ATP8B4: variants seen among roughly 807,000 people sequenced by gnomAD.
The protein encoded by ATP8B4 is probable phospholipid-transporting ATPase IM.
In ATP8B4, 133 loss-of-function variants were observed where a neutral mutation model predicts 145.6. The observed-to-expected ratio is 0.91, with a 90% confidence interval of 0.79 to 1.05. The LOEUF (loss-of-function observed/expected upper bound fraction) is 1.05, where lower values mean the gene tolerates loss of function less well. Ranked by LOEUF, ATP8B4 falls within the 50% of genes least tolerant of loss-of-function variation. The pLI, the probability that ATP8B4 is intolerant of heterozygous loss-of-function variation, is 0.00. For missense variants in ATP8B4, 1,458 were observed against 1,425.2 expected (o/e 1.02, Z -0.37); for synonymous variants, 507 against 492.9 (o/e 1.03, Z -0.38).
chr15:49,888,314 C>T lies in ATP8B4; in HGVS notation c.2698-8855G>A, dbSNP rs1418014061. Among the ~76,000 whole-genome samples the T allele has an allele frequency of 3.9e-5, 6 of 152,104 alleles. No individual in the cohort carries two copies. The East Asian group carries it at 7.7e-4, about 20-fold the overall frequency. On this transcript the variant is annotated intron_variant, in intron 23 of 27. Transcript: ENST00000284509. ...AAGTCATCAAAGCCTTAAGATTAGTCGCAGTCTTTCACGTCACTTTCCAAA... is the reference window on the plus strand; with the variant it reads ...AAGTCATCAAAGCCTTAAGATTAGTTGCAGTCTTTCACGTCACTTTCCAAA...
At chr15:50,101,230 G>A (rs1352461488) in intron 2 of ATP8B4, among the ~76,000 whole-genome samples, 1 of 152,052 alleles carries the variant, frequency 6.6e-6, no homozygotes, top group Non-Finnish European at 1.5e-5. Context: ...ACATTTCTCA[G>A]GTATGGTGAT....
intron 2 of ATP8B4, among the ~76,000 whole-genome samples, chr15:50,088,298 G>T (rs1487197188): frequency 5.9e-5 from 9 of 151,810 alleles, no homozygotes; most frequent in Admixed American, 5.9e-4. Context: ...TTGAACCCGG[G>T]AGGCGTCTCT....
intron 25 of ATP8B4, among the ~76,000 whole-genome samples, chr15:49,869,154 C>T (rs912635245): frequency 1.7e-4 from 26 of 152,012 alleles, no homozygotes; most frequent in African/African-American, 2.9e-4. Context: ...TCAGGTAATC[C>T]GCCCGCCTCG....
intron 1 of ATP8B4, among the ~76,000 whole-genome samples, chr15:50,174,271 A>G (rs911631564): frequency 6.6e-6 from 1 of 152,192 alleles, no homozygotes; most frequent in Admixed American, 6.6e-5. Flanking sequence ...CCTCTTCAGC[A>G]TAGTACTGGA....
intron 1 of ATP8B4, among the ~76,000 whole-genome samples, chr15:50,176,532 T>A (rs1409672620): frequency 6.6e-6 from 1 of 151,998 alleles, no homozygotes; most frequent in African/African-American, 2.4e-5. Flanking sequence ...AAATATTTTT[T>A]AAATTAAATT....
intron 1 of ATP8B4, among the ~76,000 whole-genome samples, chr15:50,159,239 A>G (rs942244908): frequency 6.6e-6 from 1 of 151,958 alleles, no homozygotes; most frequent in East Asian, 1.9e-4. Context: ...ATTCTTAGGT[A>G]TTTTATTTTA....
intron 2 of ATP8B4, among the ~76,000 whole-genome samples, chr15:50,087,125 AT>A (rs1428330488): frequency 8.0e-6 from 1 of 125,786 alleles, no homozygotes; most frequent in Non-Finnish European, 1.6e-5. Context: ...ATTATATATA[AT>A]ATATAGATCT....
intron 2 of ATP8B4, among the ~76,000 whole-genome samples, chr15:50,100,340 G>T (rs2056275799): frequency 6.6e-6 from 1 of 152,164 alleles, no homozygotes; most frequent in Non-Finnish European, 1.5e-5. Context: ...CTCTGGCAAA[G>T]ATACCACTTG....
intron 27 of ATP8B4, among the ~76,000 whole-genome samples, chr15:49,861,812 G>T (rs1400546079): frequency 6.6e-6 from 1 of 152,112 alleles, no homozygotes; most frequent in African/African-American, 2.4e-5. Flanking sequence ...CCATGTTTCT[G>T]AATCTGCTAC....
intron 21 of ATP8B4, 21 bp from the exon 22 acceptor site, chr15:49,898,272 T>C (rs773468761): frequency 1.3e-6 from 2 of 1,599,508 alleles, no homozygotes; most frequent in Non-Finnish European, 1.7e-6. Flanking sequence ...AAAAATAAAA[T>C]TCAAACAAGA....
At chr15:49,860,534 G>A (rs957958143) in intron 27 of ATP8B4, 59 bp from the exon 28 acceptor site, 3 of 1,484,126 alleles carry the variant, frequency 2.0e-6, no homozygotes, top group Admixed American at 2.4e-5. Flanking sequence ...TCCAGGCAGT[G>A]GCCCACTTTG....
At chr15:50,092,202 G>A (rs1365681480) in intron 2 of ATP8B4, among the ~76,000 whole-genome samples, 5 of 152,066 alleles carry the variant, frequency 3.3e-5, no homozygotes, top group Non-Finnish European at 5.9e-5. Flanking sequence ...TATAAAGACT[G>A]AAATTCAGCC....
chr15:50,114,751 C>T (rs1281579411), intron 1 of ATP8B4, among the ~76,000 whole-genome samples: 1 of 152,206 alleles, frequency 6.6e-6, no homozygotes. Context: ...AAGAAATTAG[C>T]TCAATGCCTG....
intron 8 of ATP8B4, among the ~76,000 whole-genome samples, chr15:49,997,512 AG>A (rs1194475923): frequency 2.6e-5 from 4 of 152,142 alleles, no homozygotes; most frequent in Non-Finnish European, 5.9e-5. Flanking sequence ...GGAAATGTTT[AG>A]TGGTACTTTC....
intron 2 of ATP8B4, among the ~76,000 whole-genome samples, chr15:50,077,036 G>A (rs987180331): frequency 6.6e-6 from 1 of 152,166 alleles, no homozygotes; most frequent in African/African-American, 2.4e-5. Flanking sequence ...GAGGTTCAAT[G>A]ACCTAATGCC....
chr15:50,011,955 C>T (rs16963226), intron 6 of ATP8B4, among the ~76,000 whole-genome samples: 2 of 151,958 alleles, frequency 1.3e-5, no homozygotes, highest in African/African-American at 4.8e-5. Context: ...AATATTTATT[C>T]GACTGTGAAA....
intron 1 of ATP8B4, among the ~76,000 whole-genome samples, chr15:50,140,682 T>G (rs564763839): frequency 1.3e-5 from 2 of 152,236 alleles, no homozygotes; most frequent in South Asian, 4.1e-4. Flanking sequence ...CACACCATGC[T>G]TCTCTGGGGA....
intron 2 of ATP8B4, among the ~76,000 whole-genome samples, chr15:50,100,245 A>AG (rs2056268572): frequency 1.3e-5 from 2 of 152,090 alleles, no homozygotes; most frequent in Non-Finnish European, 2.9e-5. Context: ...TGCAGACGTG[A>AG]ACTTTCTCAC....
intron 1 of ATP8B4, among the ~76,000 whole-genome samples, chr15:50,149,975 C>T (rs372702439): frequency 6.6e-6 from 1 of 152,006 alleles, no homozygotes; most frequent in African/African-American, 2.4e-5. Flanking sequence ...GTGGAGGGTG[C>T]CTGTAATCCC....
Sources: allele counts gnomAD v4.1 joint callset (sites outside exome capture counted in the v4.1 genomes callset), GRCh38; gene constraint gnomAD v4.1.1; transcripts MANE v1.5; gene names NCBI Gene and HGNC (gene_info 2026-07-23, HGNC 2026-07-21).